CORO1C: variants seen among roughly 807,000 people sequenced by gnomAD.
The protein encoded by CORO1C is coronin-1C.
CORO1C carries 14 observed loss-of-function variants against 51.2 expected under a neutral mutation model. The observed-to-expected ratio is 0.27, with a 90% CI of 0.18 to 0.43. The LOEUF (loss-of-function observed/expected upper bound fraction) is 0.43, where lower values mean the gene tolerates loss of function less well. CORO1C is among the 20% of genes least tolerant of loss of function. CORO1C has a pLI of 1.00. For missense variants in CORO1C, 417 were observed against 607.8 expected (o/e 0.69, Z 3.30); for synonymous variants, 181 against 210.5 (o/e 0.86, Z 1.21).
At chr12:108,656,783 T>C (rs955032556) in intron 6 of CORO1C, among the ~76,000 whole-genome samples, 6 of 152,334 alleles carry the variant, frequency 3.9e-5, no homozygotes, top group Non-Finnish European at 8.8e-5. Context: ...ATGTGCTGTG[T>C]CCACTCAGGG....
Position 108,662,156 on chromosome 12 carries a change from T to C in CORO1C, c.321A>G (p.Val107=). ...ASGSEDCTVM[V]WQIPENGLTL... ...TGAGTCCATTTTCTGGGATCTGCCA[T>C]ACCTGTTGGACAAGGAAGAAAGATG... The change falls in exon 4 of 11, where the codon GTA becomes GTG. Residue 107 remains valine (V), a splice_region_variant and synonymous_variant. Coordinates refer to ENST00000261401, the MANE Select transcript of CORO1C (RefSeq NM_014325.4). 2 of 1,613,508 alleles carry C rather than the reference T, an allele frequency of 1.2e-6. No homozygotes were observed. Among genetic ancestry groups the C allele is most frequent in the Non-Finnish European group, 1.7e-6 (2 of 1,179,524 alleles).
chr12:108,706,236 T>C (rs1227611509), intron 1 of CORO1C, among the ~76,000 whole-genome samples: 1 of 149,358 alleles, frequency 6.7e-6, no homozygotes, highest in Admixed American at 6.7e-5. Flanking sequence ...AATTAAATAC[T>C]CTTTCATGAT....
chr12:108,672,206 C>T (rs2033745844), intron 3 of CORO1C, among the ~76,000 whole-genome samples: 1 of 152,204 alleles, frequency 6.6e-6, no homozygotes, highest in African/African-American at 2.4e-5. Context: ...ATCCAAATGC[C>T]TGGTGCAAGA....
Position 108,647,448 on chromosome 12 carries a change from C to T in CORO1C, c.1380G>A (p.Glu460=). The change falls in exon 11 of 11, where the codon GAG becomes GAA. Residue 460 remains glutamate (E), a synonymous_variant. Transcript: ENST00000261401. The part of the protein sequence containing the change: ...SIKDTICNQD[E]RISKLEQQMA... Reference sequence around the variant, plus strand: ...TCTGCTGTTCTAACTTGGAAATACGCTCATCTTGATTGCAGATTGTGTCTT... The same window carrying T: ...TCTGCTGTTCTAACTTGGAAATACGTTCATCTTGATTGCAGATTGTGTCTT... 6.2e-7 allele frequency: 1 copy of T among 1,613,430 alleles called. No individual in the cohort carries two copies. The highest frequency in any genetic ancestry group is 8.5e-7 in the Non-Finnish European group (1 of 1,179,402).
chr12:108,650,953 T>C (rs936641017), intron 8 of CORO1C, among the ~76,000 whole-genome samples: 3 of 152,152 alleles, frequency 2.0e-5, no homozygotes, highest in African/African-American at 7.2e-5. Context: ...TAGAGAGTTT[T>C]GGTTTGTTTG....
chr12:108,683,680 GAATA>G (rs1213673822), intron 2 of CORO1C, among the ~76,000 whole-genome samples: 2 of 151,964 alleles, frequency 1.3e-5, no homozygotes, highest in East Asian at 1.9e-4. Flanking sequence ...AGATTTTCAA[GAATA>G]AATAAATGTA....
intron 3 of CORO1C, among the ~76,000 whole-genome samples, chr12:108,669,052 C>T (rs2033611846): frequency 6.6e-6 from 1 of 152,112 alleles, no homozygotes; most frequent in Admixed American, 6.5e-5. Flanking sequence ...TGCTGTTTCA[C>T]AAAGTAGTAC....
At chr12:108,703,604 C>T (rs973843374) in intron 1 of CORO1C, among the ~76,000 whole-genome samples, 1 of 152,204 alleles carries the variant, frequency 6.6e-6, no homozygotes, top group Non-Finnish European at 1.5e-5. Context: ...ATCCCCAGAA[C>T]ACTCCAAGGA....
At chr12:108,683,191 A>G (rs1225166261) in intron 2 of CORO1C, among the ~76,000 whole-genome samples, 1 of 152,186 alleles carries the variant, frequency 6.6e-6, no homozygotes, top group East Asian at 1.9e-4. Context: ...AGGCCAAGGC[A>G]GGCAGATCAT....
At chr12:108,695,325 C>T (rs1400916232) in intron 2 of CORO1C, among the ~76,000 whole-genome samples, 1 of 152,210 alleles carries the variant, frequency 6.6e-6, no homozygotes, top group Non-Finnish European at 1.5e-5. Flanking sequence ...TATGGTTACA[C>T]AGGCTAGCCC....
intron 3 of CORO1C, among the ~76,000 whole-genome samples, chr12:108,676,543 G>C (rs753831660): frequency 6.6e-6 from 1 of 151,688 alleles, no homozygotes; most frequent in Non-Finnish European, 1.5e-5. Flanking sequence ...AGGCTGAGGC[G>C]GGGGGATCAC....
At position 108,649,002 on chromosome 12, in the gene CORO1C, C is replaced by T. The variant is rs1390360197; in HGVS notation, c.1020G>A (p.Glu340=). Residue 340 remains glutamate (E), a synonymous_variant, in exon 9 of 11, where the codon GAG becomes GAA. Coordinates refer to ENST00000261401, the MANE Select transcript of CORO1C (RefSeq NM_014325.4). ...CEIARFFKLH[E]RKCEPIIMTV... ...TCATAATAATAGGTTCACACTTTCT[C>T]TCATGAAGTTTGAAGAATCTTCAGA... The T allele has an allele frequency of 6.2e-7, 1 of 1,614,188 alleles. No individual in the cohort carries two copies. The highest frequency in any genetic ancestry group is 1.7e-5 in the Admixed American group (1 of 60,030).
intron 2 of CORO1C, among the ~76,000 whole-genome samples, chr12:108,684,117 C>T (rs1488017845): frequency 1.3e-5 from 2 of 152,044 alleles, no homozygotes; most frequent in African/African-American, 4.8e-5. Context: ...AACAACCAAA[C>T]AGAACGATGG....
intron 10 of CORO1C, among the ~76,000 whole-genome samples, 196 bp downstream of exon 10, chr12:108,648,409 A>T (rs2032475069): frequency 6.6e-6 from 1 of 152,130 alleles, no homozygotes; most frequent in South Asian, 2.1e-4. Context: ...AAGGAGCTTT[A>T]ACTCCGTTAA....
In CORO1C at chr12:108,714,611, A is replaced by G. The variant is rs2136880141; in HGVS notation, c.-5-13288T>C. Reference sequence around the variant, plus strand: ...CTCCATCTCTACCAAAAATACAAAAAATTAGCCGGGCATGATGGCGCATGC... The same window carrying G: ...CTCCATCTCTACCAAAAATACAAAAGATTAGCCGGGCATGATGGCGCATGC... On this transcript the variant is annotated intron_variant, in intron 1 of 10. Coordinates refer to ENST00000261401, the MANE Select transcript of CORO1C (RefSeq NM_014325.4). 1.3e-5 allele frequency among the ~76,000 whole-genome samples: 2 copies of G among 151,098 alleles called. 1 individual carries two copies. The highest frequency in any genetic ancestry group is 2.9e-5 in the Non-Finnish European group (2 of 67,806).
At chr12:108,707,720 T>A (rs890989908) in intron 1 of CORO1C, among the ~76,000 whole-genome samples, 1 of 152,184 alleles carries the variant, frequency 6.6e-6, no homozygotes, top group Admixed American at 6.5e-5. Flanking sequence ...GAGAAAACTT[T>A]TGCAAACTTT....
At chr12:108,666,562 G>A (rs1189548421) in intron 3 of CORO1C, among the ~76,000 whole-genome samples, 3 of 152,168 alleles carry the variant, frequency 2.0e-5, no homozygotes. Flanking sequence ...TACTCTGGGT[G>A]ATGGCCTGCT....
chr12:108,700,986 C>T, intron 2 of CORO1C, 138 bp downstream of exon 2: 3 of 906,692 alleles, frequency 3.3e-6, no homozygotes, highest in East Asian at 2.4e-5. Context: ...GTTAGTAAGG[C>T]GTGTGGAACT....
chr12:108,724,915 T>A (rs2035552939), intron 1 of CORO1C, among the ~76,000 whole-genome samples: 1 of 152,184 alleles, frequency 6.6e-6, no homozygotes, highest in African/African-American at 2.4e-5. Context: ...TAACATACCA[T>A]AAAACTATAG....
Sources: gnomAD v4.1 joint callset for allele counts (sites outside exome capture counted in the v4.1 genomes callset) on GRCh38, gnomAD v4.1.1 for gene constraint, MANE v1.5 for transcripts, NCBI Gene and HGNC (gene_info 2026-07-23, HGNC 2026-07-21) for gene names.